The following CHD6 variants were observed in gnomAD, a reference collection of about 807,000 sequenced individuals.
CHD6 encodes chromodomain helicase DNA binding protein 6.
In CHD6, 50 loss-of-function variants were observed where a neutral mutation model predicts 276.9. The observed-to-expected ratio is 0.18, with a 90% confidence interval of 0.14 to 0.23. The LOEUF (loss-of-function observed/expected upper bound fraction) is 0.23. CHD6 is among the 10% of genes least tolerant of loss of function. The pLI is 1.00. For synonymous variants in CHD6, 1,173 were observed against 1,229.3 expected, an observed-to-expected ratio of 0.95 and a Z score of 0.96; for missense variants, 2,564 against 3,365.8, an observed-to-expected ratio of 0.76 and a Z score of 5.89.
chr20:41,419,854 A>G lies in CHD6; in HGVS notation c.6127+654T>C, dbSNP rs1026796470. Among the ~76,000 whole-genome samples the G allele has an allele frequency of 3.9e-5, 6 of 152,184 alleles. No individual in the cohort carries two copies. The East Asian group carries it at 1.2e-3, about 29-fold the overall frequency. ...CTGTATGTCTATTCTTGCAAAGCCC[A>G]TAGAATCTCAGGGTCACCTAGATTC... On this transcript the variant is annotated intron_variant, in intron 31 of 36. Coordinates refer to ENST00000373233, the MANE Select transcript of CHD6 (RefSeq NM_032221.5).
intron 6 of CHD6, among the ~76,000 whole-genome samples, chr20:41,498,811 ATGTGTGTGTGTGTG>A (rs71193638): frequency 2.0e-3 from 173 of 86,602 alleles, no homozygotes; most frequent in East Asian, 3.4e-3. Flanking sequence ...GTATGTATGT[ATGTGTGTGTGTGTG>A]TGTGTGTGTG....
intron 3 of CHD6, among the ~76,000 whole-genome samples, chr20:41,526,061 A>G (rs2044527726): frequency 6.6e-6 from 1 of 152,190 alleles, no homozygotes; most frequent in African/African-American, 2.4e-5. Flanking sequence ...GCATTTATCA[A>G]GCATTATTAT....
intron 1 of CHD6, among the ~76,000 whole-genome samples, chr20:41,591,379 TACACACACACACACACAC>T (rs201725894): frequency 6.9e-6 from 1 of 144,100 alleles, no homozygotes; most frequent in African/African-American, 2.6e-5. Context: ...TATATATATA[TACACACACACACACACAC>T]ACACACACAC....
At chr20:41,558,003 T>C (rs2045259273) in intron 1 of CHD6, among the ~76,000 whole-genome samples, 1 of 152,162 alleles carries the variant, frequency 6.6e-6, no homozygotes. Context: ...AGAGAGTAAC[T>C]CATCTGGGAA....
intron 27 of CHD6, among the ~76,000 whole-genome samples, chr20:41,427,432 C>T (rs952872326): frequency 3.3e-5 from 5 of 152,148 alleles, no homozygotes; most frequent in African/African-American, 1.2e-4. Context: ...AGCACTGTCT[C>T]ATGAGATAGA....
In CHD6 at chr20:41,498,785, G is replaced by T. The variant is rs2043748937; in HGVS notation, c.915+510C>A. ...CTCATATGGGTGTGTATGTGTGTATGTATGTATGTATGTATGTATGTATGT... is the reference window on the plus strand; with the variant it reads ...CTCATATGGGTGTGTATGTGTGTATTTATGTATGTATGTATGTATGTATGT... On this transcript the variant is annotated intron_variant, in intron 6 of 36. Transcript: ENST00000373233. Among the ~76,000 whole-genome samples the T allele has an allele frequency of 2.9e-5, 3 of 101,774 alleles. No individual in the cohort carries two copies. The South Asian group carries it at 1.1e-3, about 38-fold the overall frequency. The allele number at this position is 101,774 out of a possible 152,430, so 66.8% of individuals were successfully genotyped here. A position where few individuals can be genotyped will look rare whatever the true frequency, so the allele number is the denominator to read the frequency against.
rs2145670780 is a variant in CHD6, at chr20:41,452,992, T to C, written c.3121-50A>G. 7.0e-7 allele frequency: 1 copy of C among 1,420,506 alleles called. No homozygotes were observed. Among genetic ancestry groups the C allele is most frequent in the South Asian group, 1.2e-5 (1 of 86,566 alleles). The allele number at this position is 1,420,506 out of a possible 1,614,324, so 88.0% of individuals were successfully genotyped here. ...AAGAAAGTCCTCTTTTCTCTACTCC[T>C]TTCACAAAGCATAAGTGTATCCTCA... On this transcript the variant is annotated intron_variant, in intron 20 of 36. Transcript: ENST00000373233. The surrounding 1 kb of genome is among the most constrained non-coding windows in gnomAD (Gnocchi z 4.2).
intron 1 of CHD6, among the ~76,000 whole-genome samples, chr20:41,606,295 A>C (rs1325707110): frequency 2.6e-5 from 4 of 152,146 alleles, no homozygotes; most frequent in Admixed American, 2.0e-4. Context: ...GCAGATCACG[A>C]GGTCAGGAGA....
chr20:41,506,817 T>C (rs970683246), intron 5 of CHD6, among the ~76,000 whole-genome samples: 1 of 152,196 alleles, frequency 6.6e-6, no homozygotes, highest in African/African-American at 2.4e-5. Context: ...TTTTGTTCCT[T>C]GGTGTTATTT....
chr20:41,588,455 C>G (rs2045619636), intron 1 of CHD6, among the ~76,000 whole-genome samples: 1 of 152,152 alleles, frequency 6.6e-6, no homozygotes. Context: ...TCAGCCCAAG[C>G]ATACTACTAA....
chr20:41,577,482 G>C (rs2146222445), intron 1 of CHD6, among the ~76,000 whole-genome samples: 1 of 152,078 alleles, frequency 6.6e-6, no homozygotes, highest in Admixed American at 6.5e-5. Flanking sequence ...AGAATCTGGG[G>C]GCTATTTCTG....
intron 27 of CHD6, among the ~76,000 whole-genome samples, chr20:41,429,567 G>C (rs543849011): frequency 2.1e-4 from 32 of 152,280 alleles, no homozygotes; most frequent in African/African-American, 6.5e-4. Context: ...GAAAAATATA[G>C]AGGAACTAGA....
intron 3 of CHD6, among the ~76,000 whole-genome samples, chr20:41,524,396 C>T (rs1290548420): frequency 6.6e-6 from 1 of 152,168 alleles, no homozygotes; most frequent in African/African-American, 2.4e-5. Context: ...GTATCATCAA[C>T]ACCTTCAAAA....
Position 41,433,811 on chromosome 20 carries a change from G to A in CHD6, c.4068+3463C>T, listed in dbSNP as rs896789451. On this transcript the variant is annotated intron_variant, in intron 27 of 36. Coordinates refer to ENST00000373233, the MANE Select transcript of CHD6 (RefSeq NM_032221.5). ...TGGTTAAGACAACTATATTATAAATGGAAGAGGGTAAAGGAACAAAAATGG... is the reference window on the plus strand; with the variant it reads ...TGGTTAAGACAACTATATTATAAATAGAAGAGGGTAAAGGAACAAAAATGG... Among the ~76,000 whole-genome samples the A allele has an allele frequency of 8.5e-5, 13 of 152,120 alleles. No individual in the cohort carries two copies. The East Asian group carries it at 2.5e-3, about 29-fold the overall frequency.
chr20:41,563,544 G>A (rs1337125337), intron 1 of CHD6, among the ~76,000 whole-genome samples: 1 of 152,034 alleles, frequency 6.6e-6, no homozygotes, highest in African/African-American at 2.4e-5. Context: ...AGGCACATTC[G>A]CACAATTCAA....
At chr20:41,464,052 T>TA (rs2042862543) in intron 17 of CHD6, among the ~76,000 whole-genome samples, 1 of 152,210 alleles carries the variant, frequency 6.6e-6, no homozygotes, top group African/African-American at 2.4e-5. Flanking sequence ...GCAAAAATGA[T>TA]AGAGTCGAGG....
intron 1 of CHD6, among the ~76,000 whole-genome samples, chr20:41,585,196 G>A (rs1332767839): frequency 3.3e-5 from 5 of 152,060 alleles, no homozygotes; most frequent in South Asian, 2.1e-4. Flanking sequence ...GAAAGCTACC[G>A]AAGCTCACTC....
At chr20:41,599,620 A>G (rs965207299) in intron 1 of CHD6, among the ~76,000 whole-genome samples, 1 of 152,182 alleles carries the variant, frequency 6.6e-6, no homozygotes, top group Non-Finnish European at 1.5e-5. Context: ...CAACAAAGCC[A>G]AGATATGTTA....
At chr20:41,599,713 G>T (rs188313535) in intron 1 of CHD6, among the ~76,000 whole-genome samples, 6 of 152,156 alleles carry the variant, frequency 3.9e-5, no homozygotes, top group South Asian at 2.1e-4. Flanking sequence ...AGCTTCCTTC[G>T]TCTTTCTCTC....
Sources: allele counts gnomAD v4.1 joint callset (sites outside exome capture counted in the v4.1 genomes callset), GRCh38; gene constraint gnomAD v4.1.1; non-coding constraint Gnocchi (gnomAD v3.1); transcripts MANE v1.5; gene names NCBI Gene and HGNC (gene_info 2026-07-23, HGNC 2026-07-21).